The following ANXA10 variants were observed in gnomAD, a reference collection of about 807,000 sequenced individuals.
ANXA10 encodes annexin 14.
ANXA10 carries 49 observed loss-of-function variants against 53.5 expected under a neutral mutation model. That is an observed-to-expected ratio of 0.92 (90% CI 0.73 to 1.16). The LOEUF (loss-of-function observed/expected upper bound fraction) is 1.16. Ranked by LOEUF, ANXA10 falls within the 50% of genes most tolerant of loss-of-function variation. The pLI is 0.00. For missense variants in ANXA10, 393 were observed against 394.4 expected (o/e 1.00, Z 0.03); for synonymous variants, 131 against 128.9 (o/e 1.02, Z -0.11).
intron 3 of ANXA10, among the ~76,000 whole-genome samples, chr4:168,160,004 A>G (rs1162617793): frequency 6.6e-6 from 1 of 152,166 alleles, no homozygotes; most frequent in Admixed American, 6.5e-5. Flanking sequence ...CACCGTTCAG[A>G]TTTCTTGGTA....
At chr4:168,125,236 T>G (rs1731049696) in intron 1 of ANXA10, among the ~76,000 whole-genome samples, 1 of 152,174 alleles carries the variant, frequency 6.6e-6, no homozygotes, top group South Asian at 2.1e-4. Context: ...TGCCATGTTC[T>G]GGGTAAATGC....
At chr4:168,152,479 T>G (rs1477665030) in intron 3 of ANXA10, among the ~76,000 whole-genome samples, 6 of 152,160 alleles carry the variant, frequency 3.9e-5, no homozygotes, top group Non-Finnish European at 5.9e-5. Flanking sequence ...GTCATTTACA[T>G]GGGAATAAAA....
At chr4:168,166,750 A>C (rs1731888523) in intron 6 of ANXA10, among the ~76,000 whole-genome samples, 1 of 152,044 alleles carries the variant, frequency 6.6e-6, no homozygotes, top group Non-Finnish European at 1.5e-5. Flanking sequence ...AGTAGTTAGC[A>C]AAGAATTAGT....
At chr4:168,161,738 T>C (rs146569289) in intron 3 of ANXA10, among the ~76,000 whole-genome samples, 4,179 of 152,256 alleles carry the variant, frequency 0.027, 112 homozygotes, top group African/African-American at 0.067. Context: ...TCTGATTTCT[T>C]TGAGCAGTGG....
chr4:168,129,634 G>A (rs1731127407), intron 2 of ANXA10, among the ~76,000 whole-genome samples: 2 of 152,214 alleles, frequency 1.3e-5, no homozygotes, highest in East Asian at 1.9e-4. Flanking sequence ...TGACTCTGGC[G>A]AAGTGTTATT....
chr4:168,102,955 C>T (rs2149464654), intron 1 of ANXA10, among the ~76,000 whole-genome samples: 1 of 152,164 alleles, frequency 6.6e-6, no homozygotes, highest in East Asian at 1.9e-4. Context: ...TTGATCATAT[C>T]TTCATGTGCT....
chr4:168,167,628 C>A (rs2149478178), intron 6 of ANXA10, among the ~76,000 whole-genome samples: 1 of 152,292 alleles, frequency 6.6e-6, no homozygotes, highest in Middle Eastern at 3.4e-3. Context: ...TTTCTTTAAT[C>A]TTAGTTTGTA....
At chr4:168,155,566 T>C (rs1731606580) in intron 3 of ANXA10, among the ~76,000 whole-genome samples, 1 of 72,392 alleles carries the variant, frequency 1.4e-5, no homozygotes, top group Non-Finnish European at 2.4e-5. Context: ...AATTATATAA[T>C]ATATAATTAT....
At chr4:168,175,849 A>C (rs1732116725) in intron 6 of ANXA10, among the ~76,000 whole-genome samples, 1 of 152,230 alleles carries the variant, frequency 6.6e-6, no homozygotes, top group African/African-American at 2.4e-5. Flanking sequence ...CATTTATGCA[A>C]AAATGGTAGC....
intron 1 of ANXA10, among the ~76,000 whole-genome samples, chr4:168,112,564 T>C (rs1223934163): frequency 6.6e-6 from 1 of 152,164 alleles, no homozygotes; most frequent in Non-Finnish European, 1.5e-5. Context: ...ATTTAATACA[T>C]TAATTATATA....
intron 10 of ANXA10, 128 bp downstream of exon 10, chr4:168,181,869 C>G: frequency 1.5e-6 from 1 of 681,426 alleles, no homozygotes; most frequent in Non-Finnish European, 2.5e-6. Flanking sequence ...GAAAATACAC[C>G]CAAGTGAGAA....
At chr4:168,155,621 T>C (rs1180518329) in intron 3 of ANXA10, among the ~76,000 whole-genome samples, 40 of 72,290 alleles carry the variant, frequency 5.5e-4, no homozygotes, top group Admixed American at 4.0e-3. Flanking sequence ...TTATATATTA[T>C]AAATATATAT....
rs539023658 is a variant in ANXA10, at chr4:168,119,511, G to A, written c.19-8573G>A. 3.9e-5 allele frequency among the ~76,000 whole-genome samples: 6 copies of A among 152,126 alleles called. No individual in the cohort carries two copies. In the South Asian group the frequency reaches 1.2e-3, roughly 32 times the overall value. ...CTTCCAAAGCAGCCACCGTACAATG[G>A]GACCATGTTTATGCTACATGGTTTA... On this transcript the variant is annotated intron_variant, in intron 1 of 11. Transcript: ENST00000359299.
intron 3 of ANXA10, among the ~76,000 whole-genome samples, chr4:168,142,767 G>A (rs1731346593): frequency 6.6e-6 from 1 of 152,116 alleles, no homozygotes; most frequent in Non-Finnish European, 1.5e-5. Context: ...TAAGACACAG[G>A]CAGGCTTTGA....
intron 10 of ANXA10, among the ~76,000 whole-genome samples, chr4:168,183,533 G>A (rs1479483144): frequency 6.6e-6 from 1 of 152,164 alleles, no homozygotes; most frequent in Middle Eastern, 3.2e-3. Context: ...ACAAATTCAA[G>A]GCTACTTATT....
intron 1 of ANXA10, among the ~76,000 whole-genome samples, chr4:168,127,574 T>C (rs1030787062): frequency 6.6e-6 from 1 of 152,074 alleles, no homozygotes; most frequent in African/African-American, 2.4e-5. Flanking sequence ...CAAGAAGATA[T>C]ATATTATTAA....
At chr4:168,154,266 C>T (rs984837991) in intron 3 of ANXA10, among the ~76,000 whole-genome samples, 1 of 152,064 alleles carries the variant, frequency 6.6e-6, no homozygotes, top group Non-Finnish European at 1.5e-5. Flanking sequence ...TTTTCTTTAT[C>T]CACATTCATC....
chr4:168,097,774 T>C (rs1266758455), intron 1 of ANXA10, among the ~76,000 whole-genome samples: 1 of 152,066 alleles, frequency 6.6e-6, no homozygotes, highest in African/African-American at 2.4e-5. Context: ...AAACATGTAT[T>C]TCATTGACAT....
In ANXA10 at chr4:168,184,646, G is replaced by A; in HGVS notation, c.871G>A (p.Glu291Lys). The A allele has an allele frequency of 6.2e-7, 1 of 1,614,062 alleles. No individual in the cohort carries two copies. The change falls in exon 11 of 12, where the codon GAG becomes AAG. Residue 291 changes from glutamate to lysine, a missense_variant. Coordinates refer to ENST00000359299, the MANE Select transcript of ANXA10 (RefSeq NM_007193.5). ...DLLTIRKRYK[E>K]RYGKSLFHDI... ...GCTGACCATAAGGAAACGATACAAA[G>A]AGCGATATGGAAAATCCCTATTTCA...
Sources: allele counts gnomAD v4.1 joint callset (sites outside exome capture counted in the v4.1 genomes callset), GRCh38; gene constraint gnomAD v4.1.1; transcripts MANE v1.5; gene names NCBI Gene and HGNC (gene_info 2026-07-23, HGNC 2026-07-21).